Variants in PGBD5 observed in about 807,000 individuals in gnomAD.
PGBD5 encodes the protein piggyBac transposable element-derived protein 5.
PGBD5 carries 14 observed loss-of-function variants against 47.9 expected under a neutral mutation model. The ratio of observed to expected loss-of-function variants is 0.29; its 90% CI spans 0.19 to 0.46. PGBD5 has a LOEUF of 0.46. PGBD5 is among the 20% of genes least tolerant of loss of function. The probability of loss-of-function intolerance (pLI) is 1.00; values close to 1 mark genes in which losing one functional copy is unlikely to be tolerated. For synonymous variants in PGBD5, 316 were observed against 306.3 expected (o/e 1.03, Z -0.33); for missense variants, 635 against 716.0 (o/e 0.89, Z 1.29).
chr1:230,358,830 G>A (rs111343955), intron 1 of PGBD5, among the ~76,000 whole-genome samples: 1,759 of 152,288 alleles, frequency 0.012, 30 homozygotes, highest in African/African-American at 0.038. Context: ...AGGAGGCTGT[G>A]CCATACAGGT....
intron 3 of PGBD5, among the ~76,000 whole-genome samples, chr1:230,338,673 G>A (rs1667364769): frequency 1.3e-5 from 2 of 152,160 alleles, no homozygotes; most frequent in Admixed American, 1.3e-4. Flanking sequence ...GGTGGCAGAT[G>A]CCTGTAATCC....
In PGBD5 at chr1:230,350,949, A is replaced by G. The variant is rs1667551899; in HGVS notation, c.894+9T>C. ...CACCGACCCTCCCCGGGCTCAGCCC[A>G]GGGCTCACCTGGATGATGAAGCCAG... is the stretch of plus-strand genomic sequence containing the variant. On this transcript the variant is annotated intron_variant, in intron 3 of 6. Coordinates refer to ENST00000391860, the MANE Select transcript of PGBD5 (RefSeq NM_001258311.2). 1.9e-6 allele frequency: 3 copies of G among 1,613,516 alleles called. No individual in the cohort carries two copies. Among genetic ancestry groups the G allele is most frequent in the African/African-American group, 1.3e-5 (1 of 74,922 alleles).
rs900020540 is a variant in PGBD5 at position 230,425,241 on chromosome 1, A to G, written c.331+357T>C. ...ACCAGCCACGCCGGGCTTTCAGAAA[A>G]GCCCCCTCAACTAGGAAAGCCTAAC... On this transcript the variant is annotated intron_variant, in intron 1 of 6. Transcript: ENST00000391860. This position sits in a 1 kb window ranked among gnomAD's most constrained non-coding sequence, Gnocchi z 4.7. Among the ~76,000 whole-genome samples, 1 of 152,022 alleles carries G rather than the reference A, an allele frequency of 6.6e-6. No homozygotes were observed. The highest frequency in any genetic ancestry group is 1.9e-4 in the East Asian group (1 of 5,180).
intron 1 of PGBD5, among the ~76,000 whole-genome samples, chr1:230,406,019 T>A (rs374813264): frequency 1.4e-4 from 22 of 152,324 alleles, no homozygotes; most frequent in African/African-American, 4.8e-4. Flanking sequence ...TTTGAAATTC[T>A]GTTAGTTGGC....
intron 2 of PGBD5, 70 bp downstream of exon 2, chr1:230,356,824 C>A: frequency 6.5e-7 from 1 of 1,528,026 alleles, no homozygotes; most frequent in South Asian, 1.3e-5. Context: ...CAAAGCCCTG[C>A]CAACAGACAA....
intron 1 of PGBD5, among the ~76,000 whole-genome samples, chr1:230,385,328 G>C (rs956553051): frequency 1.3e-5 from 2 of 152,176 alleles, no homozygotes; most frequent in Non-Finnish European, 2.9e-5. Flanking sequence ...TTTTTTAAGG[G>C]AGAATTTTAA....
chr1:230,384,896 C>A lies in PGBD5; in HGVS notation c.332-27575G>T, dbSNP rs185399426. 3.3e-5 allele frequency among the ~76,000 whole-genome samples: 5 copies of A among 152,336 alleles called. No homozygotes were observed. In the East Asian group the frequency reaches 9.6e-4, roughly 29 times the overall value. On this transcript the variant is annotated intron_variant, in intron 1 of 6. Transcript: ENST00000391860. ...AATACTGGTGTTGGTCAAGGGCCTG[C>A]TGACTTCTTAGCTGCTGTGTTCACT...
chr1:230,388,383 G>A (rs1038823403), intron 1 of PGBD5, among the ~76,000 whole-genome samples: 2 of 151,500 alleles, frequency 1.3e-5, no homozygotes, highest in Non-Finnish European at 2.9e-5. Flanking sequence ...GGCTGCACAT[G>A]ACAACTGCGG....
At position 230,351,134 on chromosome 1, in the gene PGBD5, A is replaced by G. The variant is rs748248176; in HGVS notation, c.760-42T>C. On this transcript the variant is annotated intron_variant, in intron 2 of 6. Transcript: ENST00000391860. ...AGCAGAGGCTCTCACGGAAGGCAGC[A>G]TGAGCTTGAGGGCTCATCAGATTGG... The G allele has an allele frequency of 6.9e-6, 11 of 1,588,724 alleles. No homozygotes were observed. In the South Asian group the frequency reaches 1.3e-4, roughly 18 times the overall value.
At chr1:230,375,424 G>T (rs1667996337) in intron 1 of PGBD5, among the ~76,000 whole-genome samples, 1 of 152,116 alleles carries the variant, frequency 6.6e-6, no homozygotes, top group African/African-American at 2.4e-5. Flanking sequence ...CTAAATGCCA[G>T]ACACACAAGG....
intron 1 of PGBD5, among the ~76,000 whole-genome samples, chr1:230,375,159 G>A (rs139021981): frequency 4.6e-5 from 7 of 152,280 alleles, no homozygotes; most frequent in African/African-American, 1.4e-4. Flanking sequence ...GATCTCTAAC[G>A]ATGAATTTCT....
At chr1:230,367,314 C>T (rs1667851211) in intron 1 of PGBD5, among the ~76,000 whole-genome samples, 1 of 152,186 alleles carries the variant, frequency 6.6e-6, no homozygotes, top group Non-Finnish European at 1.5e-5. Flanking sequence ...CACACGTCCT[C>T]CTGCCCTCCA....
At position 230,425,745 on chromosome 1, in the gene PGBD5, CG is replaced by C; in HGVS notation, c.183del (p.Asp61GlufsTer102). 1 of 1,212,494 alleles carries C rather than the reference CG, an allele frequency of 8.2e-7. No homozygotes were observed. The highest frequency in any genetic ancestry group is 1.0e-6 in the Non-Finnish European group (1 of 975,640). 75.1% of individuals were successfully genotyped at this position (1,212,494 alleles called of 1,614,324 possible). Reference sequence around the variant, plus strand: ...GGGGGTCCCGGGGGCTCGCGCTCGTCGTCCGAGGAGGCGGCCGAGGAGGAGC... The same window carrying C: ...GGGGGTCCCGGGGGCTCGCGCTCGTCTCCGAGGAGGCGGCCGAGGAGGAGC... ...ASRSSSAASS[D>X]DEREPPGPPG... On this transcript the variant is annotated frameshift_variant, in exon 1 of 7. Coordinates refer to ENST00000391860, the MANE Select transcript of PGBD5 (RefSeq NM_001258311.2). LOFTEE classifies it high-confidence loss of function. The surrounding 1 kb of genome is among the most constrained non-coding windows in gnomAD (Gnocchi z 4.7).
chr1:230,406,359 T>A (rs551535956), intron 1 of PGBD5, among the ~76,000 whole-genome samples: 122 of 151,496 alleles, frequency 8.1e-4, no homozygotes, highest in African/African-American at 2.9e-3. Flanking sequence ...GTAGAAATAT[T>A]TAGTTATTAC....
At chr1:230,360,977 C>T (rs192153056) in intron 1 of PGBD5, among the ~76,000 whole-genome samples, 2 of 152,304 alleles carry the variant, frequency 1.3e-5, no homozygotes, top group Admixed American at 6.5e-5. Flanking sequence ...ATTGGAAGGA[C>T]GCAGCCCAAG....
intron 1 of PGBD5, among the ~76,000 whole-genome samples, chr1:230,385,974 T>C (rs1312659702): frequency 1.3e-5 from 2 of 152,180 alleles, no homozygotes; most frequent in African/African-American, 4.8e-5. Flanking sequence ...GTATGCACTT[T>C]AGAGTTTAAG....
Position 230,357,418 on chromosome 1 carries a change from C to G in PGBD5, c.332-97G>C. ...CATTTCCAATCCCTGGGTCCCTGGC[C>G]GAGTGCCCCCGCTGCCTCCAGTGCT... On this transcript the variant is annotated intron_variant, in intron 1 of 6. Coordinates refer to ENST00000391860, the MANE Select transcript of PGBD5 (RefSeq NM_001258311.2). The surrounding 1 kb of genome is among the most constrained non-coding windows in gnomAD (Gnocchi z 5.7). The G allele has an allele frequency of 1.5e-6, 2 of 1,337,480 alleles. No individual in the cohort carries two copies. Among genetic ancestry groups the G allele is most frequent in the South Asian group, 2.8e-5 (2 of 70,502 alleles). 82.9% of individuals were successfully genotyped at this position (1,337,480 alleles called of 1,614,324 possible).
chr1:230,323,177 G>A lies in PGBD5; in HGVS notation c.*248C>T, dbSNP rs528247977. 1.1e-4 allele frequency: 57 copies of A among 498,168 alleles called. No homozygotes were observed. Among genetic ancestry groups the A allele is most frequent in the East Asian group, 8.4e-4 (25 of 29,696 alleles). 30.9% of individuals were successfully genotyped at this position (498,168 alleles called of 1,614,324 possible). On this transcript the variant is annotated 3_prime_UTR_variant, in exon 7 of 7. Coordinates refer to ENST00000391860, the MANE Select transcript of PGBD5 (RefSeq NM_001258311.2). This position sits in a 1 kb window ranked among gnomAD's most constrained non-coding sequence, Gnocchi z 4.1. ...CATGAGAGAATCTGCCCTTGAGAAC[G>A]TGGGTGTAAGTGCTCATCACACCGG...
intron 2 of PGBD5, among the ~76,000 whole-genome samples, chr1:230,356,081 T>G (rs1036994122): frequency 2.0e-5 from 3 of 152,150 alleles, no homozygotes; most frequent in African/African-American, 7.2e-5. Flanking sequence ...AATATATACA[T>G]AAAATTGAAC....
Sources: allele counts gnomAD v4.1 joint callset (sites outside exome capture counted in the v4.1 genomes callset), GRCh38; gene constraint gnomAD v4.1.1; non-coding constraint Gnocchi (gnomAD v3.1); transcripts MANE v1.5; gene names NCBI Gene and HGNC (gene_info 2026-07-23, HGNC 2026-07-21).